ANKRD17: variants seen among roughly 807,000 people sequenced by gnomAD.
The protein encoded by ANKRD17 is ankyrin repeat domain-containing protein 17.
A neutral mutation model predicts 229.7 loss-of-function variants in ANKRD17; 19 were observed. The ratio of observed to expected loss-of-function variants is 0.08; its 90% CI spans 0.06 to 0.12. ANKRD17 has a LOEUF of 0.12. Among genes scored for constraint, ANKRD17 ranks in the 10% least tolerant of loss-of-function variants. ANKRD17 has a pLI of 1.00. For synonymous variants in ANKRD17, 1,112 were observed against 1,146.1 expected (o/e 0.97, Z 0.60); for missense variants, 2,176 against 3,176.8 (o/e 0.68, Z 7.57).
chr4:73,099,892 C>G (rs1254298732), intron 25 of ANKRD17, among the ~76,000 whole-genome samples: 1 of 152,090 alleles, frequency 6.6e-6, no homozygotes, highest in Admixed American at 6.6e-5. Context: ...CATTTATTGT[C>G]CAGGTGAGGC....
At chr4:73,186,812 T>C (rs1192712311) in intron 1 of ANKRD17, among the ~76,000 whole-genome samples, 1 of 152,184 alleles carries the variant, frequency 6.6e-6, no homozygotes, top group Non-Finnish European at 1.5e-5. Flanking sequence ...AGTTATATGG[T>C]TTGTCAAAAA....
chr4:73,110,573 C>T (rs1249324683), intron 24 of ANKRD17, among the ~76,000 whole-genome samples: 1 of 152,178 alleles, frequency 6.6e-6, no homozygotes, highest in Non-Finnish European at 1.5e-5. Flanking sequence ...CAACTTGGAC[C>T]AGTCAAGACC....
intron 25 of ANKRD17, chr4:73,098,917 G>T (rs1723617771): frequency 9.3e-7 from 1 of 1,077,460 alleles, no homozygotes; most frequent in Admixed American, 1.7e-5. Context: ...CCCGCAAGCA[G>T]CCTCTGGTGA....
At chr4:73,078,583 T>G in intron 31 of ANKRD17, 59 bp downstream of exon 31, 1 of 1,548,696 alleles carries the variant, frequency 6.5e-7, no homozygotes, top group East Asian at 2.3e-5. Flanking sequence ...TTAAATACTG[T>G]TTACATTATA....
chr4:73,250,772 T>A (rs1744948434), intron 1 of ANKRD17, among the ~76,000 whole-genome samples: 2 of 151,260 alleles, frequency 1.3e-5, no homozygotes, highest in South Asian at 4.2e-4. Context: ...AAGGGCGCGA[T>A]CTCTGCTCAC....
At chr4:73,226,255 G>T (rs1237984158) in intron 1 of ANKRD17, among the ~76,000 whole-genome samples, 1 of 152,012 alleles carries the variant, frequency 6.6e-6, no homozygotes, top group African/African-American at 2.4e-5. Context: ...GATAACAGGC[G>T]TGAGCCACCG....
At chr4:73,191,862 A>G (rs1385096151) in intron 1 of ANKRD17, among the ~76,000 whole-genome samples, 1 of 152,106 alleles carries the variant, frequency 6.6e-6, no homozygotes, top group Non-Finnish European at 1.5e-5. Flanking sequence ...TTAAAAATAC[A>G]ATTTTCTTTC....
At chr4:73,243,027 A>G (rs1009512574) in intron 1 of ANKRD17, among the ~76,000 whole-genome samples, 5 of 152,158 alleles carry the variant, frequency 3.3e-5, no homozygotes, top group African/African-American at 1.2e-4. Flanking sequence ...AGGATATCTA[A>G]GCTGAAAACT....
chr4:73,178,379 T>C (rs1304176182), intron 1 of ANKRD17, among the ~76,000 whole-genome samples: 2 of 152,210 alleles, frequency 1.3e-5, no homozygotes, highest in Non-Finnish European at 1.5e-5. Flanking sequence ...CCCATTTTGT[T>C]ACACACACTA....
chr4:73,173,060 A>G (rs1458114832), intron 2 of ANKRD17, among the ~76,000 whole-genome samples: 1 of 152,236 alleles, frequency 6.6e-6, no homozygotes, highest in East Asian at 1.9e-4. Flanking sequence ...TGCTGCCTAC[A>G]AGAAACACAC....
chr4:73,084,857 A>G (rs1577994754), intron 30 of ANKRD17, among the ~76,000 whole-genome samples: 2 of 152,192 alleles, frequency 1.3e-5, no homozygotes, highest in East Asian at 1.9e-4. Context: ...TAAATTAATA[A>G]CAGGTACAAG....
chr4:73,104,662 T>C (rs1724395859), intron 24 of ANKRD17, among the ~76,000 whole-genome samples: 1 of 152,080 alleles, frequency 6.6e-6, no homozygotes, highest in Non-Finnish European at 1.5e-5. Flanking sequence ...GTTTTAGAAT[T>C]TTGGCTCATC....
At chr4:73,111,109 TC>T (rs994729807) in intron 24 of ANKRD17, among the ~76,000 whole-genome samples, 4 of 152,166 alleles carry the variant, frequency 2.6e-5, no homozygotes, top group African/African-American at 9.7e-5. Flanking sequence ...CATTCCAAGA[TC>T]CCTGGTAGAT....
At chr4:73,229,688 G>A (rs1742864852) in intron 1 of ANKRD17, among the ~76,000 whole-genome samples, 1 of 150,898 alleles carries the variant, frequency 6.6e-6, no homozygotes, top group Non-Finnish European at 1.5e-5. Context: ...GAGAAGAATG[G>A]GGAGTCCAAT....
intron 1 of ANKRD17, among the ~76,000 whole-genome samples, chr4:73,202,138 T>C (rs889233142): frequency 3.9e-5 from 6 of 152,012 alleles, no homozygotes; most frequent in Non-Finnish European, 8.8e-5. Context: ...TACAGTACGA[T>C]GTGGCTTATA....
intron 2 of ANKRD17, among the ~76,000 whole-genome samples, chr4:73,166,506 T>A (rs757123362): frequency 6.6e-6 from 1 of 152,204 alleles, no homozygotes; most frequent in African/African-American, 2.4e-5. Context: ...CTCTCAAGCA[T>A]CCTTTCTCAA....
At chr4:73,153,447 A>G (rs943955248) in intron 6 of ANKRD17, among the ~76,000 whole-genome samples, 2 of 152,164 alleles carry the variant, frequency 1.3e-5, no homozygotes, top group African/African-American at 2.4e-5. Flanking sequence ...ACAATCTAGA[A>G]TATAGAACAT....
intron 1 of ANKRD17, among the ~76,000 whole-genome samples, chr4:73,250,388 G>A (rs1744881467): frequency 6.6e-6 from 1 of 151,616 alleles, no homozygotes. Flanking sequence ...ATCACTTGGA[G>A]CCGGGAGTTT....
intron 1 of ANKRD17, among the ~76,000 whole-genome samples, chr4:73,193,003 C>A (rs149670001): frequency 1.3e-5 from 2 of 151,958 alleles, no homozygotes; most frequent in African/African-American, 4.8e-5. Context: ...TACAAATCTA[C>A]GAATTTTGAA....
Sources: gnomAD v4.1 joint callset for allele counts (sites outside exome capture counted in the v4.1 genomes callset) on GRCh38, gnomAD v4.1.1 for gene constraint, MANE v1.5 for transcripts, NCBI Gene and HGNC (gene_info 2026-07-23, HGNC 2026-07-21) for gene names.